RBKS: variants seen among roughly 807,000 people sequenced by gnomAD.
RBKS encodes ribokinase.
Under a neutral mutation model 33.9 loss-of-function variants are expected in RBKS, and 33 were observed. The observed-to-expected ratio is 0.97, with a 90% CI of 0.74 to 1.30. The LOEUF (loss-of-function observed/expected upper bound fraction) is 1.30, where lower values mean the gene tolerates loss of function less well. RBKS is among the 50% of genes most tolerant of loss of function. The probability of loss-of-function intolerance (pLI) is 0.00; values close to 1 mark genes in which losing one functional copy is unlikely to be tolerated. For missense variants in RBKS, 361 were observed against 392.6 expected (o/e 0.92, Z 0.68); for synonymous variants, 125 against 143.0 (o/e 0.87, Z 0.90).
At chr2:27,816,746 T>C (rs949888338) in intron 7 of RBKS, among the ~76,000 whole-genome samples, 6 of 152,068 alleles carry the variant, frequency 3.9e-5, no homozygotes, top group East Asian at 1.9e-4. Context: ...TACAGGTGCC[T>C]GCCACCACGC....
chr2:27,816,737 A>T (rs1678103833), intron 7 of RBKS, among the ~76,000 whole-genome samples: 1 of 152,026 alleles, frequency 6.6e-6, no homozygotes, highest in Non-Finnish European at 1.5e-5. Context: ...AGCTGGGACT[A>T]CAGGTGCCTG....
At chr2:27,873,089 G>A (rs1388497106) in intron 1 of RBKS, among the ~76,000 whole-genome samples, 1 of 152,110 alleles carries the variant, frequency 6.6e-6, no homozygotes, top group African/African-American at 2.4e-5. Flanking sequence ...CATTTCCTAG[G>A]AACCTTCCCT....
Position 27,810,130 on chromosome 2 carries a change from G to A in RBKS, c.795+17437C>T. On this transcript the variant is annotated intron_variant, in intron 7 of 7. Transcript: ENST00000302188. This position sits in a 1 kb window ranked among gnomAD's most constrained non-coding sequence, Gnocchi z 4.4. ...TGGTGTGGATGATTCACAACCAACT[G>A]TGTATGTCTTGGCTGGTGCACCTGG... 1.6e-6 allele frequency: 2 copies of A among 1,284,748 alleles called. No homozygotes were observed. The highest frequency in any genetic ancestry group is 1.3e-5 in the South Asian group (1 of 79,362). 79.6% of individuals were successfully genotyped at this position (1,284,748 alleles called of 1,614,324 possible).
Position 27,810,869 on chromosome 2 carries a change from A to G in RBKS, c.795+16698T>C, listed in dbSNP as rs977906664. On this transcript the variant is annotated intron_variant, in intron 7 of 7. Coordinates refer to ENST00000302188, the MANE Select transcript of RBKS (RefSeq NM_022128.3). This position sits in a 1 kb window ranked among gnomAD's most constrained non-coding sequence, Gnocchi z 4.4. ...GTAAACTCCAATTTATTCTTCACAC[A>G]GCAGCCATATTAATCTTTTTATAAA... is the stretch of plus-strand genomic sequence containing the variant. 2.0e-5 allele frequency among the ~76,000 whole-genome samples: 3 copies of G among 152,182 alleles called. No homozygotes were observed. Among genetic ancestry groups the G allele is most frequent in the Admixed American group, 2.0e-4 (3 of 15,276 alleles).
At chr2:27,882,694 T>C (rs1664442450) in intron 1 of RBKS, among the ~76,000 whole-genome samples, 1 of 152,178 alleles carries the variant, frequency 6.6e-6, no homozygotes, top group Admixed American at 6.5e-5. Flanking sequence ...CCATCAATGG[T>C]AGACTGGATA....
chr2:27,833,207 A>G (rs1180440641), intron 5 of RBKS, among the ~76,000 whole-genome samples: 1 of 152,206 alleles, frequency 6.6e-6, no homozygotes, highest in Non-Finnish European at 1.5e-5. Flanking sequence ...GAAGAAAAAG[A>G]GACGATAGAA....
chr2:27,786,300 A>G (rs1677399905), intron 7 of RBKS, among the ~76,000 whole-genome samples: 1 of 152,172 alleles, frequency 6.6e-6, no homozygotes, highest in Non-Finnish European at 1.5e-5. Flanking sequence ...TTTTTCCAAA[A>G]AAGTTTCAGA....
chr2:27,799,641 A>C (rs1343757923), intron 7 of RBKS, among the ~76,000 whole-genome samples: 3 of 152,378 alleles, frequency 2.0e-5, no homozygotes, highest in Non-Finnish European at 4.4e-5. Flanking sequence ...GGTTCAGGAA[A>C]GGGAGAGAGG....
chr2:27,785,446 C>G (rs1375706517), intron 7 of RBKS, among the ~76,000 whole-genome samples: 1 of 152,082 alleles, frequency 6.6e-6, no homozygotes, highest in Non-Finnish European at 1.5e-5. Context: ...AATAAACACA[C>G]GAAAAGATGG....
In RBKS at chr2:27,810,571, C is replaced by T. The variant is rs1351770105; in HGVS notation, c.795+16996G>A. Among the ~76,000 whole-genome samples, 1 of 152,154 alleles carries T rather than the reference C, an allele frequency of 6.6e-6. No individual in the cohort carries two copies. The highest frequency in any genetic ancestry group is 2.4e-5 in the African/African-American group (1 of 41,436). The stretch of plus-strand genomic sequence containing the variant: ...CTTTCTAGTGGGAGTAGGTTTTAGC[C>T]TTTATGTGAGTCGGAGTAAAAAATA... On this transcript the variant is annotated intron_variant, in intron 7 of 7. Transcript: ENST00000302188. This position sits in a 1 kb window ranked among gnomAD's most constrained non-coding sequence, Gnocchi z 4.4.
At chr2:27,878,477 A>G (rs1376725142) in intron 1 of RBKS, among the ~76,000 whole-genome samples, 5 of 152,262 alleles carry the variant, frequency 3.3e-5, no homozygotes, top group African/African-American at 1.2e-4. Flanking sequence ...TGTGAATAGT[A>G]CCGCAATAAA....
At chr2:27,846,945 A>G in intron 4 of RBKS, 97 bp downstream of exon 4, 1 of 786,098 alleles carries the variant, frequency 1.3e-6, no homozygotes, top group South Asian at 1.6e-5. Flanking sequence ...GGGTATAGTA[A>G]GAGGTCCATA....
intron 7 of RBKS, among the ~76,000 whole-genome samples, chr2:27,807,986 CCTCT>C (rs1388043425): frequency 6.6e-6 from 1 of 152,212 alleles, no homozygotes; most frequent in Non-Finnish European, 1.5e-5. Context: ...TCCCTGTACT[CCTCT>C]CTAATTTACA....
In RBKS at chr2:27,809,142, C is replaced by T. The variant is rs559218318; in HGVS notation, c.795+18425G>A. ...AGCAGCCTTATGGTGATGTGGCTTA[C>T]GCACTGGCACACCCCTTGTTTGGCC... On this transcript the variant is annotated intron_variant, in intron 7 of 7. Transcript: ENST00000302188. Among the ~76,000 whole-genome samples, 5 of 152,338 alleles carry T rather than the reference C, an allele frequency of 3.3e-5. No individual in the cohort carries two copies. The South Asian group carries it at 8.3e-4, about 25-fold the overall frequency.
intron 1 of RBKS, among the ~76,000 whole-genome samples, chr2:27,876,691 A>G (rs1026222234): frequency 6.6e-6 from 1 of 152,182 alleles, no homozygotes; most frequent in African/African-American, 2.4e-5. Context: ...TTGTTTAATA[A>G]GAACATCATT....
chr2:27,864,364 A>T (rs757990727), intron 1 of RBKS, among the ~76,000 whole-genome samples: 4 of 152,216 alleles, frequency 2.6e-5, no homozygotes, highest in Non-Finnish European at 5.9e-5. Context: ...TTGTCTGAAG[A>T]TGCAGCTACT....
At chr2:27,861,592 C>T (rs530112802) in intron 1 of RBKS, 1 of 468,968 alleles carries the variant, frequency 2.1e-6, no homozygotes, top group African/African-American at 2.0e-5. Flanking sequence ...AAACCTAACC[C>T]TGATGCAAGT....
intron 1 of RBKS, among the ~76,000 whole-genome samples, chr2:27,887,807 T>TG (rs551878908): frequency 6.2e-4 from 95 of 152,242 alleles, no homozygotes; most frequent in African/African-American, 2.2e-3. Context: ...AGAAGAAACT[T>TG]GGATATTTTA....
At chr2:27,812,867 ATAAAG>A (rs749634504) in intron 7 of RBKS, among the ~76,000 whole-genome samples, 26 of 152,192 alleles carry the variant, frequency 1.7e-4, no homozygotes, top group Non-Finnish European at 3.4e-4. Flanking sequence ...AAAATAAAAA[ATAAAG>A]TACTTAGAAA....
Sources: allele counts gnomAD v4.1 joint callset (sites outside exome capture counted in the v4.1 genomes callset), GRCh38; gene constraint gnomAD v4.1.1; non-coding constraint Gnocchi (gnomAD v3.1); transcripts MANE v1.5; gene names NCBI Gene and HGNC (gene_info 2026-07-23, HGNC 2026-07-21).